Variants in CAMTA1 observed in about 807,000 individuals in gnomAD.
The protein encoded by CAMTA1 is calmodulin-binding transcription activator 1.
In CAMTA1, 27 loss-of-function variants were observed where a neutral mutation model predicts 170.9. The observed-to-expected ratio is 0.16, with a 90% CI of 0.12 to 0.22. The LOEUF is 0.22. CAMTA1 is among the 10% of genes least tolerant of loss of function. CAMTA1 has a pLI of 1.00. For missense variants in CAMTA1, 1,619 were observed against 2,217.2 expected, an observed-to-expected ratio of 0.73 and a Z score of 5.42; for synonymous variants, 833 against 891.5, an observed-to-expected ratio of 0.93 and a Z score of 1.17.
intron 3 of CAMTA1, among the ~76,000 whole-genome samples, chr1:6,999,999 G>T (rs919763455): frequency 1.3e-5 from 2 of 152,220 alleles, no homozygotes; most frequent in Non-Finnish European, 2.9e-5. Context: ...AAAGAGAATC[G>T]AGTGTTCAGG....
At chr1:7,122,132 A>G (rs1644680233) in intron 4 of CAMTA1, among the ~76,000 whole-genome samples, 1 of 151,838 alleles carries the variant, frequency 6.6e-6, no homozygotes, top group Non-Finnish European at 1.5e-5. Flanking sequence ...GGTACTGTGC[A>G]CGCTCCTCTC....
chr1:7,334,709 C>G (rs1223315267), intron 5 of CAMTA1, among the ~76,000 whole-genome samples: 1 of 152,142 alleles, frequency 6.6e-6, no homozygotes, highest in Non-Finnish European at 1.5e-5. Context: ...TTAAAATGAC[C>G]TATAACTGGC....
At chr1:7,335,124 T>TTTTGTGTGTGTGTGTGTG (rs1557537117) in intron 5 of CAMTA1, among the ~76,000 whole-genome samples, 7 of 19,178 alleles carry the variant, frequency 3.7e-4, no homozygotes, top group Non-Finnish European at 2.0e-4. Context: ...AGCACAGCTT[T>TTTTGTGTGTGTGTGTGTG]TGTGTGTGTG....
intron 2 of CAMTA1, among the ~76,000 whole-genome samples, chr1:6,822,794 CCACACACACACACACA>C (rs3061932): frequency 6.8e-6 from 1 of 146,486 alleles, no homozygotes; most frequent in Non-Finnish European, 1.5e-5. Flanking sequence ...TACATAAATA[CCACACACACACACACA>C]CACACACACA....
chr1:6,980,613 A>T (rs1031069534), intron 3 of CAMTA1, among the ~76,000 whole-genome samples: 1 of 152,094 alleles, frequency 6.6e-6, no homozygotes, highest in Non-Finnish European at 1.5e-5. Flanking sequence ...ACTTGGTAGG[A>T]GGTAATCAAG....
At position 6,984,907 on chromosome 1, in the gene CAMTA1, C is replaced by T. The variant is rs1341797781; in HGVS notation, c.235-106397C>T. 3.3e-5 allele frequency among the ~76,000 whole-genome samples: 5 copies of T among 152,224 alleles called. No individual in the cohort carries two copies. The East Asian group carries it at 5.8e-4, about 18-fold the overall frequency. ...AGTCTGGAGTAATCTATTACCAGGGCGCTGGGGTCACACATTCGGACTGTG... is the reference window on the plus strand; with the variant it reads ...AGTCTGGAGTAATCTATTACCAGGGTGCTGGGGTCACACATTCGGACTGTG... On this transcript the variant is annotated intron_variant, in intron 3 of 22. Transcript: ENST00000303635.
intron 3 of CAMTA1, among the ~76,000 whole-genome samples, chr1:6,969,241 G>T (rs769673233): frequency 1.3e-5 from 2 of 152,236 alleles, no homozygotes; most frequent in Non-Finnish European, 2.9e-5. Flanking sequence ...CAGGATGCAG[G>T]TTGGGGGCTC....
intron 3 of CAMTA1, among the ~76,000 whole-genome samples, chr1:6,997,783 C>A (rs1224317938): frequency 1.3e-5 from 2 of 150,258 alleles, no homozygotes; most frequent in Non-Finnish European, 1.5e-5. Flanking sequence ...GCCTTAGCCT[C>A]TGGAGTAGCT....
At chr1:6,789,365 A>G (rs61309180) in intron 1 of CAMTA1, among the ~76,000 whole-genome samples, 119 of 152,238 alleles carry the variant, frequency 7.8e-4, no homozygotes, top group African/African-American at 2.8e-3. Context: ...TTTATGCTGG[A>G]TGTCCGCCCA....
At chr1:6,892,609 T>G (rs1269455452) in intron 3 of CAMTA1, among the ~76,000 whole-genome samples, 1 of 151,400 alleles carries the variant, frequency 6.6e-6, no homozygotes, top group African/African-American at 2.4e-5. Flanking sequence ...TTTTTTTTTT[T>G]TTTTTGCAAA....
intron 6 of CAMTA1, among the ~76,000 whole-genome samples, chr1:7,500,652 C>T (rs1329212582): frequency 6.6e-6 from 1 of 152,150 alleles, no homozygotes; most frequent in African/African-American, 2.4e-5. Context: ...TTGCTCAGGC[C>T]GTGTTCCTGC....
chr1:7,647,276 G>GA (rs1441947130), intron 7 of CAMTA1, among the ~76,000 whole-genome samples: 2 of 91,134 alleles, frequency 2.2e-5, no homozygotes, highest in East Asian at 3.2e-4. Context: ...CAAAGATCCA[G>GA]AAGGGGGGGG....
At chr1:7,097,800 G>A (rs1412922752) in intron 4 of CAMTA1, among the ~76,000 whole-genome samples, 1 of 152,204 alleles carries the variant, frequency 6.6e-6, no homozygotes, top group Non-Finnish European at 1.5e-5. Context: ...ATCTAGAATA[G>A]TCAGCTCTGG....
intron 3 of CAMTA1, among the ~76,000 whole-genome samples, chr1:6,838,398 G>A (rs1654167613): frequency 1.3e-5 from 2 of 152,166 alleles, no homozygotes; most frequent in South Asian, 4.1e-4. Context: ...TCTAAGGGGC[G>A]AGTGAGGGTG....
intron 6 of CAMTA1, among the ~76,000 whole-genome samples, chr1:7,574,004 C>A (rs2095158383): frequency 7.3e-6 from 1 of 136,924 alleles, no homozygotes; most frequent in African/African-American, 3.7e-5. Flanking sequence ...AAACTCCTGA[C>A]CTCAGGTGAT....
intron 6 of CAMTA1, among the ~76,000 whole-genome samples, chr1:7,622,846 C>T (rs2150781480): frequency 6.6e-6 from 1 of 152,382 alleles, no homozygotes; most frequent in African/African-American, 2.4e-5. Flanking sequence ...GGAACTCGGC[C>T]CTCACAGGCC....
chr1:7,660,584 G>A (rs1029229100), intron 7 of CAMTA1, among the ~76,000 whole-genome samples: 6 of 152,064 alleles, frequency 3.9e-5, no homozygotes, highest in Admixed American at 6.6e-5. Flanking sequence ...TGTCTGAACC[G>A]AGCCAGCTCC....
intron 3 of CAMTA1, among the ~76,000 whole-genome samples, chr1:6,898,282 G>A (rs939464634): frequency 1.3e-5 from 2 of 152,100 alleles, no homozygotes; most frequent in Admixed American, 6.5e-5. Context: ...GGCCGGGCAC[G>A]GTGGCTCAAA....
intron 3 of CAMTA1, among the ~76,000 whole-genome samples, chr1:6,919,899 C>G (rs960595442): frequency 6.6e-6 from 1 of 151,676 alleles, no homozygotes; most frequent in Admixed American, 6.6e-5. Flanking sequence ...CCCACTGGGT[C>G]CCCCCCATAA....
Sources: gnomAD v4.1 joint callset for allele counts (sites outside exome capture counted in the v4.1 genomes callset) on GRCh38, gnomAD v4.1.1 for gene constraint, MANE v1.5 for transcripts, NCBI Gene and HGNC (gene_info 2026-07-23, HGNC 2026-07-21) for gene names.